SNTB1: variants seen among roughly 807,000 people sequenced by gnomAD.
SNTB1 encodes syntrophin beta 1, also known as beta-1-syntrophin.
A neutral mutation model predicts 48.9 loss-of-function variants in SNTB1; 36 were observed. The observed-to-expected ratio is 0.74, with a 90% CI of 0.56 to 0.97. SNTB1 has a LOEUF of 0.97. SNTB1 is among the 50% of genes least tolerant of loss of function. SNTB1 has a pLI of 0.00. For missense variants in SNTB1, 786 were observed against 703.4 expected, an observed-to-expected ratio of 1.12 and a Z score of -1.33; for synonymous variants, 299 against 294.6, an observed-to-expected ratio of 1.01 and a Z score of -0.15.
At chr8:120,753,984 C>G (rs547146368) in intron 1 of SNTB1, among the ~76,000 whole-genome samples, 11 of 152,276 alleles carry the variant, frequency 7.2e-5, no homozygotes, top group Admixed American at 6.5e-4. Context: ...TCTCATCAAT[C>G]TAAATTTGGG....
At chr8:120,667,068 G>T (rs1200470266) in intron 2 of SNTB1, among the ~76,000 whole-genome samples, 3 of 149,040 alleles carry the variant, frequency 2.0e-5, no homozygotes, top group East Asian at 4.0e-4. Flanking sequence ...CTCCTTCTTT[G>T]CATGTTTGGT....
At chr8:120,650,805 G>C (rs1284563495) in intron 2 of SNTB1, among the ~76,000 whole-genome samples, 1 of 152,192 alleles carries the variant, frequency 6.6e-6, no homozygotes, top group East Asian at 1.9e-4. Flanking sequence ...CTGGCTGGCT[G>C]TGCAGTAGTT....
chr8:120,793,437 C>A (rs1185740263), intron 1 of SNTB1, among the ~76,000 whole-genome samples: 1 of 151,992 alleles, frequency 6.6e-6, no homozygotes, highest in Non-Finnish European at 1.5e-5. Flanking sequence ...TTGCAGTAAC[C>A]ACTTCTAATC....
intron 3 of SNTB1, among the ~76,000 whole-genome samples, chr8:120,609,203 A>C (rs1816576383): frequency 6.6e-6 from 1 of 152,238 alleles, no homozygotes; most frequent in African/African-American, 2.4e-5. Context: ...AAAAGTAATA[A>C]ATCTAGTTCC....
chr8:120,718,647 T>C (rs1818603133), intron 1 of SNTB1, among the ~76,000 whole-genome samples: 1 of 152,104 alleles, frequency 6.6e-6, no homozygotes, highest in African/African-American at 2.4e-5. Context: ...CCTAACTGCT[T>C]CCGGAAGGGG....
chr8:120,753,136 A>G (rs1819252070), intron 1 of SNTB1, among the ~76,000 whole-genome samples: 2 of 152,180 alleles, frequency 1.3e-5, no homozygotes, highest in African/African-American at 2.4e-5. Context: ...CATCACAGGC[A>G]GTTTGGGCAT....
chr8:120,736,782 C>T (rs943067779), intron 1 of SNTB1, among the ~76,000 whole-genome samples: 1 of 152,154 alleles, frequency 6.6e-6, no homozygotes, highest in Non-Finnish European at 1.5e-5. Flanking sequence ...ATTTCATTCC[C>T]ACAGCCGTTT....
At chr8:120,587,378 TCTC>T (rs1167486597) in intron 3 of SNTB1, among the ~76,000 whole-genome samples, 17 of 152,126 alleles carry the variant, frequency 1.1e-4, no homozygotes, top group African/African-American at 4.1e-4. Context: ...ATTATAAAGA[TCTC>T]CACAATAATC....
intron 6 of SNTB1, among the ~76,000 whole-genome samples, chr8:120,539,908 T>C (rs564935567): frequency 1.3e-5 from 2 of 152,312 alleles, no homozygotes; most frequent in South Asian, 4.1e-4. Flanking sequence ...TTTTTTTGTA[T>C]AGGGAAACTA....
intron 4 of SNTB1, among the ~76,000 whole-genome samples, chr8:120,550,912 C>CA (rs1370239526): frequency 2.6e-5 from 4 of 151,658 alleles, no homozygotes; most frequent in Non-Finnish European, 4.4e-5. Context: ...GTTTGTGTTT[C>CA]AAAAAAAAGT....
intron 1 of SNTB1, among the ~76,000 whole-genome samples, chr8:120,732,416 G>T (rs1053341461): frequency 4.6e-5 from 7 of 152,182 alleles, no homozygotes; most frequent in African/African-American, 1.7e-4. Context: ...CTCACTCTGA[G>T]GATGTGGGTT....
At chr8:120,605,256 A>G (rs1187040849) in intron 3 of SNTB1, among the ~76,000 whole-genome samples, 4 of 152,200 alleles carry the variant, frequency 2.6e-5, no homozygotes, top group Non-Finnish European at 5.9e-5. Context: ...CAGTGCATCA[A>G]TGCACAGGAC....
At chr8:120,589,257 C>A (rs1050324915) in intron 3 of SNTB1, among the ~76,000 whole-genome samples, 24 of 152,324 alleles carry the variant, frequency 1.6e-4, no homozygotes, top group African/African-American at 5.8e-4. Flanking sequence ...ATCATAAATG[C>A]TCGCTGAGAT....
intron 2 of SNTB1, among the ~76,000 whole-genome samples, chr8:120,641,317 G>A (rs1233819814): frequency 6.6e-6 from 1 of 152,012 alleles, no homozygotes; most frequent in African/African-American, 2.4e-5. Flanking sequence ...TTATCAACTG[G>A]CTTTTCAAGT....
chr8:120,737,629 G>C (rs1430859946), intron 1 of SNTB1, among the ~76,000 whole-genome samples: 1 of 152,168 alleles, frequency 6.6e-6, no homozygotes, highest in Admixed American at 6.5e-5. Flanking sequence ...CACAGCAGCT[G>C]TTGATTTGTA....
intron 3 of SNTB1, among the ~76,000 whole-genome samples, chr8:120,629,889 C>T (rs947135122): frequency 1.3e-5 from 2 of 152,152 alleles, no homozygotes; most frequent in South Asian, 4.1e-4. Context: ...GCTTTATATG[C>T]ACATTTATTG....
Position 120,632,460 on chromosome 8 carries a change from C to T in SNTB1, c.980G>A (p.Gly327Asp). The T allele has an allele frequency of 6.2e-7, 1 of 1,614,036 alleles. No individual in the cohort carries two copies. Among genetic ancestry groups the T allele is most frequent in the African/African-American group, 1.3e-5 (1 of 75,026 alleles). ...IAGSREIRHL[G>D]WLAEKVPGES... is the part of the protein sequence containing the mutation. ...TTTCCTTACCTTTTCTGCAAGCCAGCCAAGATGCCTAATCTCTCGGCTCCC... is the reference window on the plus strand; with the variant it reads ...TTTCCTTACCTTTTCTGCAAGCCAGTCAAGATGCCTAATCTCTCGGCTCCC... Residue 327 changes from glycine to aspartate, a missense_variant, in exon 3 of 7, where the codon GGC becomes GAC. Coordinates refer to ENST00000517992, the MANE Select transcript of SNTB1 (RefSeq NM_021021.4).
At chr8:120,665,116 C>A (rs1217132300) in intron 2 of SNTB1, among the ~76,000 whole-genome samples, 2 of 152,136 alleles carry the variant, frequency 1.3e-5, no homozygotes, top group Non-Finnish European at 2.9e-5. Flanking sequence ...TTAAAAATTG[C>A]ATTGATTGCC....
intron 5 of SNTB1, among the ~76,000 whole-genome samples, chr8:120,544,194 C>A (rs372750685): frequency 6.6e-6 from 1 of 152,128 alleles, no homozygotes; most frequent in African/African-American, 2.4e-5. Flanking sequence ...TAAAGCTATA[C>A]CTTCAGATAT....
Sources: gnomAD v4.1 joint callset for allele counts (sites outside exome capture counted in the v4.1 genomes callset) on GRCh38, gnomAD v4.1.1 for gene constraint, MANE v1.5 for transcripts, NCBI Gene and HGNC (gene_info 2026-07-23, HGNC 2026-07-21) for gene names.